The following SHC4 variants were observed in gnomAD, a reference collection of about 807,000 sequenced individuals.
The protein encoded by SHC4 is SHC adaptor protein 4.
A neutral mutation model predicts 69.4 loss-of-function variants in SHC4; 41 were observed. The ratio of observed to expected loss-of-function variants is 0.59; its 90% CI spans 0.46 to 0.77. SHC4 has a LOEUF of 0.77. SHC4 is among the 30% of genes least tolerant of loss of function. SHC4 has a pLI of 0.00. For synonymous variants in SHC4, 318 were observed against 299.3 expected (o/e 1.06, Z -0.64); for missense variants, 777 against 783.8 (o/e 0.99, Z 0.10).
At chr15:48,958,601 T>A (rs1901491053) in intron 1 of SHC4, among the ~76,000 whole-genome samples, 1 of 152,182 alleles carries the variant, frequency 6.6e-6, no homozygotes, top group Non-Finnish European at 1.5e-5. Flanking sequence ...ACCTCCCGTG[T>A]GAGAAAGGAA....
chr15:48,958,071 G>T (rs1038078608), intron 1 of SHC4, among the ~76,000 whole-genome samples: 2 of 152,250 alleles, frequency 1.3e-5, no homozygotes, highest in Non-Finnish European at 2.9e-5. Context: ...AACTGTGAGA[G>T]AATCGATTTC....
intron 2 of SHC4, among the ~76,000 whole-genome samples, chr15:48,919,295 A>ATTTTTTTTTGTTTTTTTTTTTTTTTTT (rs1900692112): frequency 1.4e-5 from 1 of 71,216 alleles, no homozygotes; most frequent in Non-Finnish European, 2.6e-5. Flanking sequence ...ATTTATTTTA[A>ATTTTTTTTTGTTTTTTTTTTTTTTTTT]TTTTTTTTTT....
At chr15:48,931,511 CT>C (rs1353345658) in intron 1 of SHC4, among the ~76,000 whole-genome samples, 1 of 151,994 alleles carries the variant, frequency 6.6e-6, no homozygotes, top group Non-Finnish European at 1.5e-5. Context: ...TCAACTCTTA[CT>C]TTTTTTTCAA....
At chr15:48,896,413 A>T (rs1354419093) in intron 2 of SHC4, among the ~76,000 whole-genome samples, 1 of 150,746 alleles carries the variant, frequency 6.6e-6, no homozygotes, top group Non-Finnish European at 1.5e-5. Context: ...CTCCGCCTCT[A>T]GGGTTCAAGC....
intron 1 of SHC4, among the ~76,000 whole-genome samples, chr15:48,932,477 T>C (rs1900983913): frequency 6.6e-6 from 1 of 152,186 alleles, no homozygotes; most frequent in Non-Finnish European, 1.5e-5. Flanking sequence ...ATTTGGCTCT[T>C]GCTGAACTCT....
At chr15:48,883,474 CAGTAAAACCTTAAGTGT>C (rs890003136) in intron 4 of SHC4, among the ~76,000 whole-genome samples, 1 of 152,186 alleles carries the variant, frequency 6.6e-6, no homozygotes, top group Non-Finnish European at 1.5e-5. Context: ...GCACTCCATA[CAGTAAAACCTTAAGTGT>C]AAAGAAACTT....
chr15:48,942,603 A>G (rs1217299682), intron 1 of SHC4, among the ~76,000 whole-genome samples: 3 of 152,190 alleles, frequency 2.0e-5, no homozygotes, highest in Non-Finnish European at 4.4e-5. Context: ...TTATTATCCA[A>G]TTATTTTTTA....
At chr15:48,826,235 C>T (rs1445670543) in intron 11 of SHC4, 109 bp from the exon 12 acceptor site, 18 of 1,034,986 alleles carry the variant, frequency 1.7e-5, no homozygotes, top group Non-Finnish European at 2.3e-5. Context: ...AGATACTTTG[C>T]TGAAAAAAGA....
chr15:48,895,490 T>C (rs912617923), intron 2 of SHC4, among the ~76,000 whole-genome samples: 1 of 152,096 alleles, frequency 6.6e-6, no homozygotes, highest in Non-Finnish European at 1.5e-5. Context: ...GCTGGTAAAC[T>C]ACCCAGGCAA....
At chr15:48,845,539 A>G (rs2140974885) in intron 9 of SHC4, among the ~76,000 whole-genome samples, 1 of 152,326 alleles carries the variant, frequency 6.6e-6, no homozygotes, top group South Asian at 2.1e-4. Flanking sequence ...GCTTTTACAA[A>G]TGGAAAGTGG....
At chr15:48,878,543 A>T (rs758716473) in intron 4 of SHC4, 1 of 1,614,104 alleles carries the variant, frequency 6.2e-7, no homozygotes. Flanking sequence ...TGCCGGCTAC[A>T]GAGTATCAGC....
At chr15:48,883,621 C>G (rs1451195780) in intron 4 of SHC4, among the ~76,000 whole-genome samples, 1 of 152,158 alleles carries the variant, frequency 6.6e-6, no homozygotes, top group African/African-American at 2.4e-5. Context: ...GGTTTAGGTA[C>G]ACATTTAGCC....
intron 1 of SHC4, among the ~76,000 whole-genome samples, chr15:48,958,309 G>T (rs975661484): frequency 6.6e-6 from 1 of 152,326 alleles, no homozygotes; most frequent in South Asian, 2.1e-4. Flanking sequence ...TGCCTGTCTT[G>T]CTTGGAGGCA....
intron 4 of SHC4, among the ~76,000 whole-genome samples, chr15:48,875,803 C>T (rs1015995993): frequency 6.6e-6 from 1 of 152,194 alleles, no homozygotes. Flanking sequence ...GAGGTCGCTT[C>T]TGAATGTGAG....
chr15:48,963,225 T>C lies in SHC4; in HGVS notation c.-210A>G, dbSNP rs4583185. The C allele has an allele frequency of 1, 530,886 of 533,158 alleles. 264,350 individuals carry two copies. The highest frequency in any genetic ancestry group is 1 in the East Asian group (32,628 of 32,628). The allele number at this position is 533,158 out of a possible 1,614,324, so 33.0% of individuals were successfully genotyped here. A position where few individuals can be genotyped will look rare whatever the true frequency, so the allele number is the denominator to read the frequency against. On this transcript the variant is annotated 5_prime_UTR_variant, in exon 1 of 12. Transcript: ENST00000332408. ...CGCCTCCCCTGCTCTGATTTCAGTC[T>C]CTCCCTGGCCCAGGCAGAGGCACCA...
chr15:48,855,234 T>C, intron 8 of SHC4, among the ~76,000 whole-genome samples: 1 of 151,540 alleles, frequency 6.6e-6, no homozygotes, highest in Middle Eastern at 3.2e-3. Flanking sequence ...AAAATAAAAG[T>C]TGAAATTATA....
At chr15:48,829,640 C>G (rs925340393) in intron 11 of SHC4, among the ~76,000 whole-genome samples, 5 of 152,186 alleles carry the variant, frequency 3.3e-5, no homozygotes, top group Non-Finnish European at 5.9e-5. Context: ...TGAGTCCTTG[C>G]CAGGCGTGGT....
At chr15:48,932,774 A>G (rs1373950831) in intron 1 of SHC4, among the ~76,000 whole-genome samples, 1 of 152,046 alleles carries the variant, frequency 6.6e-6, no homozygotes, top group Non-Finnish European at 1.5e-5. Flanking sequence ...CTTTAATAAA[A>G]CTTCCTTTGC....
chr15:48,843,616 TTA>T (rs773525490), intron 9 of SHC4, 28 bp from the exon 10 acceptor site: 73 of 1,570,668 alleles, frequency 4.6e-5, no homozygotes, highest in Non-Finnish European at 6.3e-5. Context: ...GATCAATACA[TTA>T]TGTTTTTTCT....
Sources: gnomAD v4.1 joint callset for allele counts (sites outside exome capture counted in the v4.1 genomes callset) on GRCh38, gnomAD v4.1.1 for gene constraint, MANE v1.5 for transcripts, NCBI Gene and HGNC (gene_info 2026-07-23, HGNC 2026-07-21) for gene names.